The following CLVS2 variants were observed in gnomAD, a reference collection of about 807,000 sequenced individuals.
The protein encoded by CLVS2 is clavesin-2.
In CLVS2, 19 loss-of-function variants were observed where a neutral mutation model predicts 29.0. That is an observed-to-expected ratio of 0.66 (90% CI 0.46 to 0.96). CLVS2 has a LOEUF of 0.96. Among genes scored for constraint, CLVS2 ranks in the 40% least tolerant of loss-of-function variants. The probability of loss-of-function intolerance (pLI) is 0.00; values close to 1 mark genes in which losing one functional copy is unlikely to be tolerated. For synonymous variants in CLVS2, 161 were observed against 151.3 expected (o/e 1.06, Z -0.47); for missense variants, 294 against 404.1 (o/e 0.73, Z 2.34).
At position 123,055,991 on chromosome 6, in the gene CLVS2, A is replaced by G. The variant is rs770173535; in HGVS notation, c.861A>G (p.Glu287=). The part of the protein sequence containing the change: ...NVDSYSMPVK[E]VEKELSPKSM... ...ACTCCTACAGCATGCCTGTGAAGGA[A>G]GTAGAGAAGGAACTCTCCCCAAAGT... The change falls in exon 5 of 6, where the codon GAA becomes GAG. Residue 287 remains glutamate (E), a synonymous_variant. Transcript: ENST00000275162. 4 of 1,613,836 alleles carry G rather than the reference A, an allele frequency of 2.5e-6. No individual in the cohort carries two copies. The highest frequency in any genetic ancestry group is 3.4e-6 in the Non-Finnish European group (4 of 1,179,854).
chr6:123,024,438 G>A (rs1245121037), intron 3 of CLVS2, among the ~76,000 whole-genome samples: 3 of 152,028 alleles, frequency 2.0e-5, no homozygotes, highest in Non-Finnish European at 4.4e-5. Context: ...TCAACTACAT[G>A]AAGAGACCCT....
At chr6:123,041,274 T>C (rs1775229798) in intron 3 of CLVS2, among the ~76,000 whole-genome samples, 1 of 152,092 alleles carries the variant, frequency 6.6e-6, no homozygotes, top group Admixed American at 6.6e-5. Context: ...ATAGTGATTG[T>C]AGAATCACCA....
intron 3 of CLVS2, among the ~76,000 whole-genome samples, chr6:123,046,554 G>A (rs1387471040): frequency 6.6e-6 from 1 of 151,898 alleles, no homozygotes; most frequent in African/African-American, 2.4e-5. Context: ...AGCTACTCAG[G>A]AGACTGAGGC....
At chr6:122,998,490 T>C (rs1012677206) in intron 2 of CLVS2, among the ~76,000 whole-genome samples, 2 of 152,188 alleles carry the variant, frequency 1.3e-5, no homozygotes, top group African/African-American at 4.8e-5. Context: ...AAAAAGTTTA[T>C]TGGGCTGGAT....
chr6:123,050,702 G>A (rs528754041), intron 4 of CLVS2, among the ~76,000 whole-genome samples: 9 of 152,222 alleles, frequency 5.9e-5, no homozygotes, highest in South Asian at 2.1e-4. Flanking sequence ...GTACCAGATC[G>A]CACAGGGACT....
chr6:123,034,347 A>C lies in CLVS2; in HGVS notation c.565-14275A>C, dbSNP rs137979536. Among the ~76,000 whole-genome samples the C allele has an allele frequency of 6.6e-5, 10 of 152,314 alleles. No individual in the cohort carries two copies. The East Asian group carries it at 1.7e-3, about 26-fold the overall frequency. The stretch of plus-strand genomic sequence containing the variant: ...AGGTGAATGGTTAAAGCTGTAATAC[A>C]TTCATACCATAAAATACTACCTTGC... On this transcript the variant is annotated intron_variant, in intron 3 of 5. Coordinates refer to ENST00000275162, the MANE Select transcript of CLVS2 (RefSeq NM_001010852.4).
At chr6:123,016,662 T>C (rs576303724) in intron 3 of CLVS2, among the ~76,000 whole-genome samples, 1 of 152,178 alleles carries the variant, frequency 6.6e-6, no homozygotes, top group South Asian at 2.1e-4. Context: ...GCTCTTTGAA[T>C]TGCTACATAA....
At chr6:123,056,789 C>T (rs1180912627) in intron 5 of CLVS2, among the ~76,000 whole-genome samples, 1 of 152,200 alleles carries the variant, frequency 6.6e-6, no homozygotes, top group East Asian at 1.9e-4. Flanking sequence ...CAACCACACA[C>T]ACCAGTTCAA....
chr6:123,054,812 A>G (rs1170136205), intron 4 of CLVS2, among the ~76,000 whole-genome samples: 1 of 151,598 alleles, frequency 6.6e-6, no homozygotes, highest in African/African-American at 2.4e-5. Flanking sequence ...TGTGGCTTGA[A>G]TATGCCTCAA....
chr6:123,011,920 C>T (rs1025794024), intron 3 of CLVS2, among the ~76,000 whole-genome samples: 1 of 151,974 alleles, frequency 6.6e-6, no homozygotes, highest in African/African-American at 2.4e-5. Flanking sequence ...TGATGTAATT[C>T]ATTAGACTGG....
intron 3 of CLVS2, among the ~76,000 whole-genome samples, chr6:123,028,100 T>G (rs1343520112): frequency 6.6e-6 from 1 of 152,208 alleles, no homozygotes; most frequent in Non-Finnish European, 1.5e-5. Context: ...TCATTTAGAC[T>G]TTCTAGACCA....
At chr6:123,062,530 A>G (rs1356245844) in intron 5 of CLVS2, among the ~76,000 whole-genome samples, 2 of 152,148 alleles carry the variant, frequency 1.3e-5, no homozygotes, top group Non-Finnish European at 2.9e-5. Context: ...TTGAGATAAA[A>G]TAGTGTAAAT....
intron 3 of CLVS2, among the ~76,000 whole-genome samples, chr6:123,035,268 T>A (rs1369460156): frequency 2.6e-5 from 4 of 152,100 alleles, no homozygotes; most frequent in Non-Finnish European, 2.9e-5. Context: ...ATGTGAGGAT[T>A]TTTTTAGGAT....
At position 123,072,129 on chromosome 6, in the gene CLVS2, G is replaced by A. The variant is rs1772959689; in HGVS notation, c.*8368G>A. The A allele has an allele frequency of 6.6e-6, 1 of 151,922 alleles. No individual in the cohort carries two copies. Among genetic ancestry groups the A allele is most frequent in the African/African-American group, 2.4e-5 (1 of 41,394 alleles). 9.4% of individuals were successfully genotyped at this position (151,922 alleles called of 1,614,324 possible). On this transcript the variant is annotated 3_prime_UTR_variant, in exon 6 of 6. Coordinates refer to ENST00000275162, the MANE Select transcript of CLVS2 (RefSeq NM_001010852.4). ...AACTTTTAATCCTTACCAAACATAT[G>A]TTATTCCTTTTCTTCAGCTACATTG... is the stretch of plus-strand genomic sequence containing the variant.
intron 3 of CLVS2, among the ~76,000 whole-genome samples, chr6:123,016,057 G>T (rs1774827709): frequency 8.1e-6 from 1 of 123,688 alleles, no homozygotes; most frequent in Non-Finnish European, 1.6e-5. Flanking sequence ...TTGTGGAAAG[G>T]GAGTATTCAG....
At position 123,065,598 on chromosome 6, in the gene CLVS2, GACA is replaced by G. The variant is rs1772841870; in HGVS notation, c.*1841_*1843del. 1 of 151,852 alleles carries G rather than the reference GACA, an allele frequency of 6.6e-6. No homozygotes were observed. The highest frequency in any genetic ancestry group is 2.1e-4 in the South Asian group (1 of 4,832). 9.4% of individuals were successfully genotyped at this position (151,852 alleles called of 1,614,324 possible). A position where few individuals can be genotyped will look rare whatever the true frequency, so the allele number is the denominator to read the frequency against. On this transcript the variant is annotated 3_prime_UTR_variant, in exon 6 of 6. Coordinates refer to ENST00000275162, the MANE Select transcript of CLVS2 (RefSeq NM_001010852.4). Reference sequence around the variant, plus strand: ...TTTACAGAGATTGGAATGCACTGGGGACAACATGTCTCAGCAGTTCTTACCTTT... The same window carrying G: ...TTTACAGAGATTGGAATGCACTGGGGACATGTCTCAGCAGTTCTTACCTTT...
chr6:123,067,158 T>C lies in CLVS2; in HGVS notation c.*3397T>C, dbSNP rs1296921076. 6.6e-6 allele frequency: 1 copy of C among 151,798 alleles called. No individual in the cohort carries two copies. Among genetic ancestry groups the C allele is most frequent in the Non-Finnish European group, 1.5e-5 (1 of 67,780 alleles). The allele number at this position is 151,798 out of a possible 1,614,324, so 9.4% of individuals were successfully genotyped here. A position where few individuals can be genotyped will look rare whatever the true frequency, so the allele number is the denominator to read the frequency against. ...GGAAAGCCAAAAATTCATACATTAA[T>C]ACTTAGCTTTTTTAATACTGTTAAC... is the stretch of plus-strand genomic sequence containing the variant. On this transcript the variant is annotated 3_prime_UTR_variant, in exon 6 of 6. Coordinates refer to ENST00000275162, the MANE Select transcript of CLVS2 (RefSeq NM_001010852.4).
chr6:123,019,224 A>C (rs1774888303), intron 3 of CLVS2, among the ~76,000 whole-genome samples: 1 of 152,008 alleles, frequency 6.6e-6, no homozygotes, highest in Non-Finnish European at 1.5e-5. Context: ...AATTGAATAT[A>C]ACTTGGTCTT....
At chr6:123,054,191 A>G (rs1013009516) in intron 4 of CLVS2, among the ~76,000 whole-genome samples, 1 of 152,206 alleles carries the variant, frequency 6.6e-6, no homozygotes, top group African/African-American at 2.4e-5. Flanking sequence ...AAAGTTATAT[A>G]TCTAATAAAA....
Sources: allele counts gnomAD v4.1 joint callset (sites outside exome capture counted in the v4.1 genomes callset), GRCh38; gene constraint gnomAD v4.1.1; transcripts MANE v1.5; gene names NCBI Gene and HGNC (gene_info 2026-07-23, HGNC 2026-07-21).